Variants in ABCA13 observed in about 807,000 individuals in gnomAD.
The protein encoded by ABCA13 is ATP-binding cassette sub-family A member 13.
Under a neutral mutation model 478.7 loss-of-function variants are expected in ABCA13, and 476 were observed. That is an observed-to-expected ratio of 0.99 (90% CI 0.92 to 1.07). The LOEUF is 1.07. Among genes scored for constraint, ABCA13 ranks in the 50% least tolerant of loss-of-function variants. ABCA13 has a pLI of 0.00. For missense variants in ABCA13, 6,060 were observed against 5,910.6 expected (o/e 1.03, Z -0.83); for synonymous variants, 2,252 against 2,158.9 (o/e 1.04, Z -1.20).
intron 32 of ABCA13, among the ~76,000 whole-genome samples, chr7:48,371,726 A>G (rs974459913): frequency 5.3e-5 from 8 of 152,280 alleles, no homozygotes; most frequent in African/African-American, 1.9e-4. Context: ...GGATCATGTC[A>G]TCTGCAAAAA....
At chr7:48,549,348 G>A (rs1214807265) in intron 55 of ABCA13, among the ~76,000 whole-genome samples, 3 of 151,728 alleles carry the variant, frequency 2.0e-5, no homozygotes. Flanking sequence ...GTTTGCTGAG[G>A]ATGATGGCTT....
At chr7:48,390,718 A>T (rs1039632509) in intron 37 of ABCA13, among the ~76,000 whole-genome samples, 1 of 152,160 alleles carries the variant, frequency 6.6e-6, no homozygotes, top group Non-Finnish European at 1.5e-5. Context: ...GGCTTCTTGT[A>T]CTCAGCAGAC....
chr7:48,392,059 C>A lies in ABCA13; in HGVS notation c.11793C>A (p.Thr3931=), dbSNP rs147058958. The A allele has an allele frequency of 1.9e-6, 3 of 1,613,778 alleles. No homozygotes were observed. The Admixed American group carries it at 5.0e-5, about 27-fold the overall frequency. Residue 3931 remains threonine, a synonymous_variant, in exon 38 of 62, where the codon ACC becomes ACA. Coordinates refer to ENST00000435803, the MANE Select transcript of ABCA13 (RefSeq NM_152701.5). ...PQQDILLDNL[T]VREHLLLFAS... The stretch of plus-strand genomic sequence containing the variant: ...AGGACATCCTGTTGGACAACCTCAC[C>A]GTCCGGGAACATTTGCTGCTCTTTG...
intron 31 of ABCA13, among the ~76,000 whole-genome samples, chr7:48,366,020 A>G (rs1811610698): frequency 6.6e-6 from 1 of 152,222 alleles, no homozygotes; most frequent in Admixed American, 6.5e-5. Context: ...TGGAACCACA[A>G]AAGACCCAGA....
At chr7:48,626,560 G>A (rs1268445075) in intron 59 of ABCA13, 1 of 951,512 alleles carries the variant, frequency 1.1e-6, no homozygotes, top group Non-Finnish European at 1.3e-6. Context: ...AGAAACAGGA[G>A]AATAACTGGC....
chr7:48,335,148 G>T (rs1806051528), intron 27 of ABCA13, among the ~76,000 whole-genome samples: 1 of 152,184 alleles, frequency 6.6e-6, no homozygotes, highest in African/African-American at 2.4e-5. Context: ...ATATACTGGG[G>T]ACATATGCTG....
At chr7:48,391,857 G>T in intron 37 of ABCA13, 64 bp from the exon 38 acceptor site, 2 of 1,490,106 alleles carry the variant, frequency 1.3e-6, no homozygotes, top group South Asian at 1.2e-5. Context: ...GGAGCTGACT[G>T]GATTGCTGAC....
rs1393784327 is a variant in ABCA13, at chr7:48,278,815, A to G, written c.7621A>G (p.Lys2541Glu). ...KVSGKMSTVF[K>E]THFISNTKDS... is the part of the protein sequence containing the mutation. Reference sequence around the variant, plus strand: ...TTCGGGGAAGATGTCCACAGTTTTTAAAACTCATTTTATCTCCAATACCAA... The same window carrying G: ...TTCGGGGAAGATGTCCACAGTTTTTGAAACTCATTTTATCTCCAATACCAA... Residue 2541 changes from lysine (K) to glutamate (E), a missense_variant, in exon 18 of 62, where the codon AAA (lysine) becomes GAA (glutamate). Lys to Glu is a moderately conservative substitution (Grantham distance 56). Around this residue, in one of 3 missense-constraint regions of ABCA13, gnomAD observed 4,423 missense variants for 4,309.1 expected, o/e 1.03. Transcript: ENST00000435803. 1 of 1,613,898 alleles carries G rather than the reference A, an allele frequency of 6.2e-7. No homozygotes were observed. Among genetic ancestry groups the G allele is most frequent in the African/African-American group, 1.3e-5 (1 of 75,066 alleles).
intron 59 of ABCA13, among the ~76,000 whole-genome samples, chr7:48,627,254 T>C (rs1281343025): frequency 6.6e-6 from 1 of 152,110 alleles, no homozygotes; most frequent in Non-Finnish European, 1.5e-5. Context: ...TTCTTGACTC[T>C]AAGTTTCTTA....
intron 29 of ABCA13, among the ~76,000 whole-genome samples, chr7:48,348,071 T>C (rs1416576648): frequency 1.3e-5 from 2 of 152,152 alleles, no homozygotes; most frequent in Admixed American, 6.5e-5. Flanking sequence ...TGTCCCTATC[T>C]CCAGGCCAAA....
rs1486844810 is a variant in ABCA13 at position 48,318,178 on chromosome 7, C to A, written c.9999+882C>A. On this transcript the variant is annotated intron_variant, in intron 27 of 61. Coordinates refer to ENST00000435803, the MANE Select transcript of ABCA13 (RefSeq NM_152701.5). ...GTTAAGTCATTTTTGATCAAACTTG[C>A]CTTCATGAGTTTCATGCTTCTGACC... 2.0e-5 allele frequency among the ~76,000 whole-genome samples: 3 copies of A among 152,094 alleles called. No individual in the cohort carries two copies. In the East Asian group the frequency reaches 5.8e-4, roughly 29 times the overall value.
chr7:48,248,834 G>A (rs1792092428), intron 14 of ABCA13, among the ~76,000 whole-genome samples: 1 of 152,168 alleles, frequency 6.6e-6, no homozygotes, highest in African/African-American at 2.4e-5. Flanking sequence ...TGAATTATAT[G>A]TGTGATCAAT....
intron 55 of ABCA13, among the ~76,000 whole-genome samples, chr7:48,573,870 A>T (rs1585853697): frequency 6.6e-6 from 1 of 151,940 alleles, no homozygotes; most frequent in Non-Finnish European, 1.5e-5. Flanking sequence ...TGCTGTGGGG[A>T]AGGGATCTGC....
At chr7:48,332,124 A>T (rs920528946) in intron 27 of ABCA13, among the ~76,000 whole-genome samples, 4 of 152,172 alleles carry the variant, frequency 2.6e-5, no homozygotes, top group Non-Finnish European at 4.4e-5. Context: ...CATGGTCCAC[A>T]GTTTCTTTAA....
At chr7:48,379,152 T>A (rs1404297658) in intron 35 of ABCA13, among the ~76,000 whole-genome samples, 1 of 152,238 alleles carries the variant, frequency 6.6e-6, no homozygotes, top group East Asian at 1.9e-4. Context: ...AATAAATATT[T>A]TTGACTTTAT....
intron 20 of ABCA13, among the ~76,000 whole-genome samples, chr7:48,291,358 T>C (rs1331904563): frequency 6.6e-6 from 1 of 152,184 alleles, no homozygotes; most frequent in Non-Finnish European, 1.5e-5. Flanking sequence ...ACTCACACAA[T>C]GCAGGGGTTC....
intron 8 of ABCA13, among the ~76,000 whole-genome samples, chr7:48,237,241 A>T (rs1790106282): frequency 1.3e-5 from 2 of 152,038 alleles, no homozygotes; most frequent in South Asian, 4.1e-4. Context: ...GCAGCAAGGG[A>T]TTATAGAAGG....
At position 48,486,957 on chromosome 7, in the gene ABCA13, A is replaced by G. The variant is rs534229217; in HGVS notation, c.13183-2279A>G. Among the ~76,000 whole-genome samples the G allele has an allele frequency of 1.8e-3, 271 of 152,324 alleles. 1 individual carries two copies. The highest frequency in any genetic ancestry group is 6.3e-3 in the African/African-American group (260 of 41,584). On this transcript the variant is annotated intron_variant, in intron 47 of 61. Transcript: ENST00000435803. ...ATCAGAATGGGAGGGCATGAAAGTC[A>G]TATAGCAAAGCATGTGGATACAGGG... is the stretch of plus-strand genomic sequence containing the variant.
Position 48,455,234 on chromosome 7 carries a change from C to T in ABCA13, c.12763C>T (p.Pro4255Ser). 1.2e-6 allele frequency: 2 copies of T among 1,604,820 alleles called. No homozygotes were observed. Among genetic ancestry groups the T allele is most frequent in the Non-Finnish European group, 1.7e-6 (2 of 1,175,980 alleles). ...MVRPLATEYP[P>S]LRLTPGHYQR... Reference sequence around the variant, plus strand: ...GAGACCCCTGGCCACCGAGTACCCTCCCCTCAGACTCACACCTGGACATTA... The same window carrying T: ...GAGACCCCTGGCCACCGAGTACCCTTCCCTCAGACTCACACCTGGACATTA... The change falls in exon 43 of 62, where the codon CCC (proline) becomes TCC (serine). Residue 4255 changes from proline (P) to serine (S), a missense_variant. By Grantham distance (74) the Pro-to-Ser change is moderately conservative. Transcript: ENST00000435803.
Sources: gnomAD v4.1 joint callset for allele counts (sites outside exome capture counted in the v4.1 genomes callset) on GRCh38, gnomAD v4.1.1 for gene constraint, gnomAD v4.1.1 regional missense constraint, MANE v1.5 for transcripts, NCBI Gene and HGNC (gene_info 2026-07-23, HGNC 2026-07-21) for gene names.